Variants in APBA2 observed in about 807,000 individuals in gnomAD.
The protein encoded by APBA2 is amyloid-beta A4 precursor protein-binding family A member 2.
Under a neutral mutation model 75.0 loss-of-function variants are expected in APBA2, and 30 were observed. The ratio of observed to expected loss-of-function variants is 0.40; its 90% CI spans 0.30 to 0.54. APBA2 has a LOEUF of 0.54. Ranked by LOEUF, APBA2 falls within the 20% of genes least tolerant of loss-of-function variation. The probability of loss-of-function intolerance (pLI) is 0.49; values close to 1 mark genes in which losing one functional copy is unlikely to be tolerated. For missense variants in APBA2, 801 were observed against 1,016.1 expected (o/e 0.79, Z 2.88); for synonymous variants, 444 against 409.6 (o/e 1.08, Z -1.01).
intron 3 of APBA2, among the ~76,000 whole-genome samples, chr15:29,006,141 A>G (rs2039102245): frequency 6.6e-6 from 1 of 152,122 alleles, no homozygotes; most frequent in Admixed American, 6.6e-5. Flanking sequence ...AAGAGGTGAA[A>G]TTTTCTCTCT....
chr15:28,896,481 G>A (rs141951944), intron 1 of APBA2, among the ~76,000 whole-genome samples: 3,960 of 152,228 alleles, frequency 0.026, 147 homozygotes, highest in African/African-American at 0.085. Flanking sequence ...GGGTTTCACC[G>A]TGTTAGCCAG....
At chr15:28,909,944 G>T (rs2033350788) in intron 1 of APBA2, among the ~76,000 whole-genome samples, 1 of 152,114 alleles carries the variant, frequency 6.6e-6, no homozygotes, top group Non-Finnish European at 1.5e-5. Flanking sequence ...CGATCCTCTG[G>T]TCACTTGTAC....
chr15:28,894,417 CCCT>C (rs1480729078), intron 1 of APBA2, among the ~76,000 whole-genome samples: 1 of 152,092 alleles, frequency 6.6e-6, no homozygotes, highest in African/African-American at 2.4e-5. Context: ...GGGTCCAAGG[CCCT>C]CCTAGAGAGG....
chr15:28,965,044 A>C (rs57815908), intron 2 of APBA2, among the ~76,000 whole-genome samples: 1 of 151,736 alleles, frequency 6.6e-6, no homozygotes, highest in Non-Finnish European at 1.5e-5. Context: ...CTCTTTGCCT[A>C]ATCATTAAGG....
chr15:29,030,745 G>T (rs57836149), intron 3 of APBA2, among the ~76,000 whole-genome samples: 23,250 of 151,774 alleles, frequency 0.15, 2,005 homozygotes, highest in East Asian at 0.25. Flanking sequence ...GTGTGTGTGT[G>T]TGTGTGTGTG....
intron 2 of APBA2, among the ~76,000 whole-genome samples, chr15:28,927,608 G>A (rs897256659): frequency 2.7e-5 from 4 of 149,676 alleles, no homozygotes; most frequent in Non-Finnish European, 5.9e-5. Context: ...TTATTTTTTT[G>A]TAGAGGTGGG....
chr15:29,084,641 A>G (rs2043210410), intron 6 of APBA2, among the ~76,000 whole-genome samples: 1 of 152,184 alleles, frequency 6.6e-6, no homozygotes, highest in South Asian at 2.1e-4. Flanking sequence ...GCATTTTCCC[A>G]GTTTACAGGG....
chr15:29,070,244 G>A (rs1446806143), intron 4 of APBA2, among the ~76,000 whole-genome samples: 1 of 152,190 alleles, frequency 6.6e-6, no homozygotes, highest in African/African-American at 2.4e-5. Context: ...TATTGTATGT[G>A]TATTTTACCA....
At chr15:29,106,843 C>T (rs778702288) in intron 12 of APBA2, 24 bp downstream of exon 12, 2 of 1,603,990 alleles carry the variant, frequency 1.2e-6, no homozygotes, top group Admixed American at 1.7e-5. Flanking sequence ...GATCCTCCGC[C>T]CAGGGGTCAC....
At chr15:28,997,051 C>A (rs2038565811) in intron 3 of APBA2, among the ~76,000 whole-genome samples, 1 of 152,356 alleles carries the variant, frequency 6.6e-6, no homozygotes, top group Non-Finnish European at 1.5e-5. Context: ...AGCAAGGCAG[C>A]TTTATTGATT....
In APBA2 at chr15:29,053,828, A is replaced by C. The variant is rs1401981462; in HGVS notation, c.-40-17A>C. ...GTGGGGTTTTGACTCTGTCCTTCCC[A>C]ATGTTCCTCCCCACAGTGGCTGCCT... is the stretch of plus-strand genomic sequence containing the variant. On this transcript the variant is annotated splice_polypyrimidine_tract_variant and intron_variant, in intron 3 of 14. Coordinates refer to ENST00000683413, the MANE Select transcript of APBA2 (RefSeq NM_001353788.2). The C allele has an allele frequency of 1.0e-5, 15 of 1,505,234 alleles. No individual in the cohort carries two copies. The highest frequency in any genetic ancestry group is 1.3e-5 in the Non-Finnish European group (14 of 1,103,766). 93.2% of individuals were successfully genotyped at this position (1,505,234 alleles called of 1,614,324 possible).
At chr15:28,907,837 G>C (rs1186190695) in intron 1 of APBA2, among the ~76,000 whole-genome samples, 2 of 148,278 alleles carry the variant, frequency 1.3e-5, no homozygotes, top group African/African-American at 5.3e-5. Flanking sequence ...CCTTTCCCCA[G>C]GGGAGTGGCT....
At chr15:28,899,182 C>A (rs2032696393) in intron 1 of APBA2, among the ~76,000 whole-genome samples, 1 of 152,234 alleles carries the variant, frequency 6.6e-6, no homozygotes, top group African/African-American at 2.4e-5. Context: ...GGTGGAGGTT[C>A]TATGGCACCA....
At chr15:29,018,057 G>A (rs1328034684) in intron 3 of APBA2, among the ~76,000 whole-genome samples, 1 of 152,142 alleles carries the variant, frequency 6.6e-6, no homozygotes, top group Non-Finnish European at 1.5e-5. Context: ...CTGCAACGTG[G>A]CTGCACATTA....
intron 2 of APBA2, among the ~76,000 whole-genome samples, chr15:28,967,002 A>G (rs1289462158): frequency 2.0e-5 from 3 of 152,182 alleles, no homozygotes; most frequent in Non-Finnish European, 4.4e-5. Flanking sequence ...GCTTCAACTT[A>G]AAGTATGATT....
At chr15:29,010,297 C>T (rs770792276) in intron 3 of APBA2, among the ~76,000 whole-genome samples, 11 of 152,232 alleles carry the variant, frequency 7.2e-5, no homozygotes, top group Middle Eastern at 3.4e-3. Flanking sequence ...CTCGCTCTGT[C>T]GCCCAGGCTT....
chr15:29,087,266 A>T (rs186638209), intron 6 of APBA2, among the ~76,000 whole-genome samples: 3,266 of 143,270 alleles, frequency 0.023, 53 homozygotes, highest in Middle Eastern at 0.057. Context: ...TTTTTTTTTA[A>T]AAAAAATTAT....
intron 1 of APBA2, among the ~76,000 whole-genome samples, chr15:28,917,759 CTTTG>C (rs1384376556): frequency 6.6e-6 from 1 of 152,160 alleles, no homozygotes; most frequent in Admixed American, 6.5e-5. Flanking sequence ...GCTACCATGT[CTTTG>C]TTTTAGTAGA....
intron 2 of APBA2, among the ~76,000 whole-genome samples, chr15:28,966,343 A>T (rs1457717043): frequency 6.6e-6 from 1 of 151,494 alleles, no homozygotes; most frequent in Non-Finnish European, 1.5e-5. Context: ...TCTTGGCAAG[A>T]TTTGTTTTTG....
Sources: allele counts gnomAD v4.1 joint callset (sites outside exome capture counted in the v4.1 genomes callset), GRCh38; gene constraint gnomAD v4.1.1; transcripts MANE v1.5; gene names NCBI Gene and HGNC (gene_info 2026-07-23, HGNC 2026-07-21).